Variants in PRUNE2 observed in about 807,000 individuals in gnomAD.
PRUNE2 encodes the protein prune homolog 2 with BCH domain.
A neutral mutation model predicts 252.0 loss-of-function variants in PRUNE2; 164 were observed. The ratio of observed to expected loss-of-function variants is 0.65; its 90% CI spans 0.57 to 0.74. The LOEUF is 0.74. Ranked by LOEUF, PRUNE2 falls within the 30% of genes least tolerant of loss-of-function variation. PRUNE2 has a pLI of 0.00. For missense variants in PRUNE2, 3,495 were observed against 3,711.0 expected, an observed-to-expected ratio of 0.94 and a Z score of 1.51; for synonymous variants, 1,292 against 1,350.2, an observed-to-expected ratio of 0.96 and a Z score of 0.94.
At chr9:76,682,087 G>A (rs2043502665) in intron 9 of PRUNE2, among the ~76,000 whole-genome samples, 1 of 152,142 alleles carries the variant, frequency 6.6e-6, no homozygotes, top group Non-Finnish European at 1.5e-5. Flanking sequence ...AGGAGACAGT[G>A]AAGGCGATAA....
chr9:76,833,886 G>GTTT (rs71354685), intron 4 of PRUNE2, among the ~76,000 whole-genome samples: 3 of 141,308 alleles, frequency 2.1e-5, no homozygotes. Flanking sequence ...GGGTTTTTTT[G>GTTT]TTTTTTTTTT....
At chr9:76,627,900 G>T (rs1835635838) in intron 16 of PRUNE2, 1 of 409,666 alleles carries the variant, frequency 2.4e-6, no homozygotes, top group South Asian at 1.8e-5. Flanking sequence ...GCTATGCTTG[G>T]CATATCATAG....
chr9:76,791,312 C>A (rs1452061037), intron 6 of PRUNE2, among the ~76,000 whole-genome samples: 12 of 56,462 alleles, frequency 2.1e-4, no homozygotes, highest in Non-Finnish European at 3.7e-4. Context: ...CACCAATTAT[C>A]ATTGGTACAA....
intron 11 of PRUNE2, among the ~76,000 whole-genome samples, chr9:76,645,642 T>TA (rs1844507909): frequency 6.6e-6 from 1 of 151,738 alleles, no homozygotes; most frequent in African/African-American, 2.4e-5. Flanking sequence ...TCTTGTGCAT[T>TA]TAAAAAAAAA....
intron 6 of PRUNE2, among the ~76,000 whole-genome samples, chr9:76,795,043 T>C (rs1022107349): frequency 1.3e-5 from 2 of 152,152 alleles, no homozygotes; most frequent in Non-Finnish European, 2.9e-5. Context: ...CTCTAACATA[T>C]GGTCAGAGAC....
chr9:76,880,103 C>CA (rs1465479474), intron 1 of PRUNE2, among the ~76,000 whole-genome samples: 13 of 151,266 alleles, frequency 8.6e-5, no homozygotes, highest in Admixed American at 4.0e-4. Flanking sequence ...TTAATAGAGA[C>CA]AGAGTTTCAC....
chr9:76,662,557 G>C (rs765691446), intron 9 of PRUNE2, among the ~76,000 whole-genome samples: 25 of 152,116 alleles, frequency 1.6e-4, no homozygotes, highest in Non-Finnish European at 2.9e-4. Context: ...CCTGAGATTA[G>C]GTTCTTTTTA....
chr9:76,823,634 C>G lies in PRUNE2; in HGVS notation c.754G>C (p.Glu252Gln). The G allele has an allele frequency of 6.3e-7, 1 of 1,586,766 alleles. No homozygotes were observed. Among genetic ancestry groups the G allele is most frequent in the East Asian group, 2.2e-5 (1 of 44,730 alleles). Residue 252 changes from glutamate to glutamine, a missense_variant and splice_region_variant, in exon 6 of 19, where the codon GAG (glutamate) becomes CAG (glutamine). By Grantham distance (29) the Glu-to-Gln change is conservative. Transcript: ENST00000376718. Reference sequence around the variant, plus strand: ...TAAAAAAGCATTCCCACCCTTACCTCAAGGTTCATGCTCACAGTACTAATG... The same window carrying G: ...TAAAAAAGCATTCCCACCCTTACCTGAAGGTTCATGCTCACAGTACTAATG... ...VAISTVSMNL[E>Q]NCLFHSNITS...
intron 6 of PRUNE2, chr9:76,737,470 G>A (rs1183125561): frequency 6.6e-6 from 1 of 152,240 alleles, no homozygotes; most frequent in East Asian, 1.9e-4. Flanking sequence ...TTCAGAAACT[G>A]TACCAGGAGC....
chr9:76,649,096 C>T (rs896491790), intron 11 of PRUNE2, among the ~76,000 whole-genome samples: 6 of 152,114 alleles, frequency 3.9e-5, no homozygotes, highest in African/African-American at 7.2e-5. Flanking sequence ...CTGTACTCTC[C>T]GCTCAGATTT....
intron 9 of PRUNE2, among the ~76,000 whole-genome samples, chr9:76,680,093 C>A (rs13290890): frequency 0.01 from 1,582 of 152,104 alleles, 19 homozygotes; most frequent in East Asian, 0.062. Context: ...AAAACATTTG[C>A]AAGTCATATA....
intron 4 of PRUNE2, among the ~76,000 whole-genome samples, chr9:76,831,391 A>C (rs1186564145): frequency 6.6e-6 from 1 of 152,234 alleles, no homozygotes; most frequent in Non-Finnish European, 1.5e-5. Context: ...AACATTGGAC[A>C]ATGTAAATAT....
intron 6 of PRUNE2, among the ~76,000 whole-genome samples, chr9:76,822,583 A>T (rs1309096819): frequency 6.6e-6 from 1 of 152,200 alleles, no homozygotes; most frequent in East Asian, 1.9e-4. Context: ...CAAGGCAGGC[A>T]GATCATTTGA....
chr9:76,638,210 T>A lies in PRUNE2; in HGVS notation c.8807A>T (p.His2936Leu). ...FLPDSSRADY[H>L]YVMENLFLYV... ...CAGGAAAAGATTTTCCATGACATAG[T>A]GGTAATCCGCCCGACTGCTGTCTGG... is the stretch of plus-strand genomic sequence containing the variant. Residue 2936 changes from histidine (H) to leucine (L), a missense_variant, in exon 13 of 19, where the codon CAC (histidine) becomes CTC (leucine). Coordinates refer to ENST00000376718, the MANE Select transcript of PRUNE2 (RefSeq NM_015225.3). 6.2e-7 allele frequency: 1 copy of A among 1,613,348 alleles called. No homozygotes were observed. The highest frequency in any genetic ancestry group is 1.1e-5 in the South Asian group (1 of 91,068).
intron 9 of PRUNE2, among the ~76,000 whole-genome samples, chr9:76,664,056 T>A (rs1054938001): frequency 5.3e-5 from 8 of 152,224 alleles, no homozygotes; most frequent in African/African-American, 1.9e-4. Flanking sequence ...GTCCATGAAT[T>A]CTTTGACACT....
At chr9:76,731,727 T>C (rs2048627768) in intron 6 of PRUNE2, among the ~76,000 whole-genome samples, 1 of 152,188 alleles carries the variant, frequency 6.6e-6, no homozygotes, top group Non-Finnish European at 1.5e-5. Context: ...ACCTCATTGG[T>C]ACACTTATTA....
chr9:76,792,613 A>C (rs1429767116), intron 6 of PRUNE2, among the ~76,000 whole-genome samples: 3 of 152,360 alleles, frequency 2.0e-5, no homozygotes, highest in African/African-American at 7.2e-5. Context: ...TAATTCTATC[A>C]GCAAAACTAA....
intron 11 of PRUNE2, among the ~76,000 whole-genome samples, chr9:76,648,411 C>T (rs1367185917): frequency 6.6e-6 from 1 of 152,212 alleles, no homozygotes; most frequent in East Asian, 1.9e-4. Flanking sequence ...AACTTGGAAG[C>T]AGCCAAGACG....
At chr9:76,805,463 A>AT (rs941645635) in intron 6 of PRUNE2, among the ~76,000 whole-genome samples, 1 of 151,598 alleles carries the variant, frequency 6.6e-6, no homozygotes, top group Non-Finnish European at 1.5e-5. Context: ...CCTACAAATA[A>AT]TTTTTTTTTA....
Sources: gnomAD v4.1 joint callset for allele counts (sites outside exome capture counted in the v4.1 genomes callset) on GRCh38, gnomAD v4.1.1 for gene constraint, MANE v1.5 for transcripts, NCBI Gene and HGNC (gene_info 2026-07-23, HGNC 2026-07-21) for gene names.